The following KLHL1 variants were observed in gnomAD, a reference collection of about 807,000 sequenced individuals.
The protein encoded by KLHL1 is kelch like family member 1.
In KLHL1, 47 loss-of-function variants were observed where a neutral mutation model predicts 77.7. The ratio of observed to expected loss-of-function variants is 0.60; its 90% confidence interval spans 0.48 to 0.77. KLHL1 has a LOEUF of 0.77. Ranked by LOEUF, KLHL1 falls within the 30% of genes least tolerant of loss-of-function variation. The probability of loss-of-function intolerance (pLI) is 0.00; values close to 1 mark genes in which losing one functional copy is unlikely to be tolerated. For synonymous variants in KLHL1, 360 were observed against 325.2 expected (o/e 1.11, Z -1.15); for missense variants, 925 against 910.8 (o/e 1.02, Z -0.20).
At chr13:70,034,145 T>C (rs1886184466) in intron 1 of KLHL1, among the ~76,000 whole-genome samples, 1 of 152,210 alleles carries the variant, frequency 6.6e-6, no homozygotes, top group South Asian at 2.1e-4. Flanking sequence ...GGAACTTATG[T>C]ACCATGAATT....
chr13:69,927,282 T>TAA (rs140408878), intron 4 of KLHL1, among the ~76,000 whole-genome samples: 1,896 of 152,152 alleles, frequency 0.012, 36 homozygotes, highest in African/African-American at 0.042. Context: ...ATCAAAGAGC[T>TAA]AAATATAAGA....
At chr13:69,723,203 T>C (rs932753563) in intron 8 of KLHL1, among the ~76,000 whole-genome samples, 7 of 151,860 alleles carry the variant, frequency 4.6e-5, no homozygotes, top group Non-Finnish European at 7.4e-5. Flanking sequence ...TGGAGAGAGG[T>C]TGGTCAATGG....
chr13:69,919,552 A>G (rs537079908), intron 4 of KLHL1, among the ~76,000 whole-genome samples: 13,276 of 152,134 alleles, frequency 0.087, 649 homozygotes, highest in African/African-American at 0.12. Flanking sequence ...TACATTAATG[A>G]CACCAATTTT....
chr13:70,007,286 T>C (rs931735808), intron 1 of KLHL1, among the ~76,000 whole-genome samples: 24 of 152,140 alleles, frequency 1.6e-4, no homozygotes, highest in African/African-American at 5.8e-4. Context: ...ATTTAGACAT[T>C]TTATAAGTTT....
At chr13:69,737,657 A>T (rs1873818101) in intron 8 of KLHL1, among the ~76,000 whole-genome samples, 1 of 152,138 alleles carries the variant, frequency 6.6e-6, no homozygotes, top group Admixed American at 6.5e-5. Context: ...CAGGACCCTG[A>T]TCCACTCCTG....
chr13:69,878,811 T>C (rs1008304228), intron 5 of KLHL1, among the ~76,000 whole-genome samples: 2 of 152,150 alleles, frequency 1.3e-5, no homozygotes, highest in Non-Finnish European at 2.9e-5. Flanking sequence ...CATATGTTTA[T>C]TGTGGCACTA....
At chr13:70,091,054 A>T (rs1566567796) in intron 1 of KLHL1, among the ~76,000 whole-genome samples, 1 of 151,866 alleles carries the variant, frequency 6.6e-6, no homozygotes, top group South Asian at 2.1e-4. Context: ...TCCAAGTTTT[A>T]TTCCCGTGCT....
chr13:69,702,278 T>A (rs1319113541), intron 10 of KLHL1, among the ~76,000 whole-genome samples: 1 of 151,744 alleles, frequency 6.6e-6, no homozygotes, highest in African/African-American at 2.4e-5. Flanking sequence ...AATTGCTATA[T>A]GCTTATTAAA....
chr13:70,107,755 C>G lies in KLHL1; in HGVS notation c.-56G>C. On this transcript the variant is annotated 5_prime_UTR_variant, in exon 1 of 11. Coordinates refer to ENST00000377844, the MANE Select transcript of KLHL1 (RefSeq NM_020866.3). ...GCTCACGCAGGAGTAGGCTGGTCAG[C>G]AGGTGGGGGAGGACAGCGGGGCCCG... The G allele has an allele frequency of 5.8e-6, 8 of 1,369,606 alleles. No individual in the cohort carries two copies. In the South Asian group the frequency reaches 8.8e-5, roughly 15 times the overall value. 84.8% of individuals were successfully genotyped at this position (1,369,606 alleles called of 1,614,324 possible). A position where few individuals can be genotyped will look rare whatever the true frequency, so the allele number is the denominator to read the frequency against.
chr13:70,064,718 T>C (rs1886968063), intron 1 of KLHL1, among the ~76,000 whole-genome samples: 1 of 152,178 alleles, frequency 6.6e-6, no homozygotes, highest in South Asian at 2.1e-4. Context: ...AATAAATAAT[T>C]AACTTAGCCA....
intron 1 of KLHL1, among the ~76,000 whole-genome samples, chr13:70,104,415 C>A (rs1027739844): frequency 2.0e-5 from 3 of 152,098 alleles, no homozygotes; most frequent in Non-Finnish European, 1.5e-5. Flanking sequence ...ATAATTTGAC[C>A]TTTCCAGAAT....
chr13:69,979,929 C>T (rs1045602049), intron 1 of KLHL1, among the ~76,000 whole-genome samples: 7 of 152,308 alleles, frequency 4.6e-5, no homozygotes, highest in African/African-American at 1.7e-4. Context: ...ATCTTAACTT[C>T]AGTTCCTGAC....
chr13:70,010,525 C>G (rs1019452654), intron 1 of KLHL1, among the ~76,000 whole-genome samples: 7 of 152,044 alleles, frequency 4.6e-5, no homozygotes, highest in African/African-American at 1.7e-4. Context: ...TGTGAGGCCT[C>G]CCCAGCCACA....
At chr13:69,781,180 T>G (rs1876174006) in intron 7 of KLHL1, among the ~76,000 whole-genome samples, 1 of 152,040 alleles carries the variant, frequency 6.6e-6, no homozygotes, top group Non-Finnish European at 1.5e-5. Context: ...TGTCAAGAAC[T>G]CTGTGAATGT....
chr13:70,076,410 T>C (rs1887268441), intron 1 of KLHL1, among the ~76,000 whole-genome samples: 1 of 150,324 alleles, frequency 6.7e-6, no homozygotes. Context: ...TTAATGGTTT[T>C]GGATCAACTG....
At chr13:69,958,422 A>G (rs1883959246) in intron 3 of KLHL1, among the ~76,000 whole-genome samples, 1 of 151,016 alleles carries the variant, frequency 6.6e-6, no homozygotes, top group African/African-American at 2.4e-5. Context: ...TTTACTATAT[A>G]AAATTCTATA....
At position 70,077,216 on chromosome 13, in the gene KLHL1, C is replaced by A. The variant is rs1014661793; in HGVS notation, c.497+29987G>T. 3.3e-5 allele frequency among the ~76,000 whole-genome samples: 5 copies of A among 152,026 alleles called. No individual in the cohort carries two copies. The South Asian group carries it at 8.3e-4, about 25-fold the overall frequency. On this transcript the variant is annotated intron_variant, in intron 1 of 10. Coordinates refer to ENST00000377844, the MANE Select transcript of KLHL1 (RefSeq NM_020866.3). ...TAAAACTAGAAGCAGTCAAGATGTT[C>A]TTCAAAGGTGAAATGGGTACAAAAG... is the stretch of plus-strand genomic sequence containing the variant.
intron 3 of KLHL1, among the ~76,000 whole-genome samples, chr13:69,957,308 T>C (rs974958816): frequency 6.6e-6 from 1 of 151,774 alleles, no homozygotes. Context: ...TTTTGCATTA[T>C]GCCCTGCTCC....
intron 4 of KLHL1, among the ~76,000 whole-genome samples, chr13:69,882,866 A>G (rs1881054375): frequency 6.6e-6 from 1 of 152,206 alleles, no homozygotes; most frequent in Non-Finnish European, 1.5e-5. Flanking sequence ...AGACATATAT[A>G]TGAGGATCAG....
Sources: allele counts gnomAD v4.1 joint callset (sites outside exome capture counted in the v4.1 genomes callset), GRCh38; gene constraint gnomAD v4.1.1; transcripts MANE v1.5; gene names NCBI Gene and HGNC (gene_info 2026-07-23, HGNC 2026-07-21).